Variants in SMC6 observed in about 807,000 individuals in gnomAD.
The protein encoded by SMC6 is structural maintenance of chromosomes 6.
A neutral mutation model predicts 142.2 loss-of-function variants in SMC6; 79 were observed. That is an observed-to-expected ratio of 0.56 (90% CI 0.46 to 0.67). The LOEUF (loss-of-function observed/expected upper bound fraction) is 0.67. SMC6 is among the 30% of genes least tolerant of loss of function. SMC6 has a pLI of 0.00. For synonymous variants in SMC6, 411 were observed against 412.4 expected (o/e 1.00, Z 0.04); for missense variants, 1,072 against 1,284.0 (o/e 0.83, Z 2.52).
chr2:17,712,702 A>C (rs1668887825), intron 16 of SMC6, among the ~76,000 whole-genome samples: 1 of 152,216 alleles, frequency 6.6e-6, no homozygotes, highest in South Asian at 2.1e-4. Context: ...TATTTTCCAC[A>C]TTAAAATAAT....
chr2:17,684,123 G>T (rs1400382855), intron 23 of SMC6, among the ~76,000 whole-genome samples: 1 of 152,136 alleles, frequency 6.6e-6, no homozygotes, highest in Admixed American at 6.6e-5. Flanking sequence ...TTCCTTCAGT[G>T]ACAGATGCCA....
chr2:17,730,653 A>T (rs1166173950), intron 7 of SMC6, among the ~76,000 whole-genome samples: 1 of 147,330 alleles, frequency 6.8e-6, no homozygotes, highest in Non-Finnish European at 1.5e-5. Context: ...CCCAGGCTGG[A>T]GTGCAGTGGC....
At chr2:17,729,253 AC>A (rs1445099257) in intron 7 of SMC6, among the ~76,000 whole-genome samples, 2 of 152,212 alleles carry the variant, frequency 1.3e-5, no homozygotes, top group Non-Finnish European at 2.9e-5. Flanking sequence ...AATTTGAGCT[AC>A]CCACTCTTCA....
At chr2:17,697,295 T>C (rs1668050606) in intron 21 of SMC6, among the ~76,000 whole-genome samples, 2 of 151,870 alleles carry the variant, frequency 1.3e-5, no homozygotes, top group South Asian at 4.1e-4. Flanking sequence ...ACTGTATTTA[T>C]ACAAAAACAG....
At chr2:17,748,177 A>G (rs990652404) in intron 2 of SMC6, among the ~76,000 whole-genome samples, 2 of 152,072 alleles carry the variant, frequency 1.3e-5, no homozygotes, top group Admixed American at 6.5e-5. Context: ...TGGTCCAAGG[A>G]CTGGCAAGCA....
Position 17,741,611 on chromosome 2 carries a change from C to A in SMC6, c.238+1G>T. 6.3e-7 allele frequency: 1 copy of A among 1,590,154 alleles called. No individual in the cohort carries two copies. The highest frequency in any genetic ancestry group is 2.2e-5 in the East Asian group (1 of 44,456). Reference sequence around the variant, plus strand: ...CAAACGAGAAGGGAAAAAACACTTACTTCCATTGTTGCCAACAACAAAGTT... The same window carrying A: ...CAAACGAGAAGGGAAAAAACACTTAATTCCATTGTTGCCAACAACAAAGTT... On this transcript the variant is annotated splice_donor_variant, in intron 4 of 27. Coordinates refer to ENST00000448223, the MANE Select transcript of SMC6 (RefSeq NM_001142286.2). LOFTEE classifies it high-confidence loss of function.
intron 2 of SMC6, chr2:17,746,254 G>A (rs754747203): frequency 1.0e-4 from 23 of 221,988 alleles, no homozygotes; most frequent in Middle Eastern, 1.5e-3. Context: ...AGAAGCGTAA[G>A]ATAGTAAGTT....
At chr2:17,666,554 G>A in intron 26 of SMC6, 37 bp from the exon 27 acceptor site, 1 of 1,471,648 alleles carries the variant, frequency 6.8e-7, no homozygotes, top group South Asian at 1.1e-5. Flanking sequence ...TTGCTATTGT[G>A]TAAGTCACAT....
At chr2:17,672,811 G>C (rs890296730) in intron 25 of SMC6, among the ~76,000 whole-genome samples, 45 of 152,270 alleles carry the variant, frequency 3.0e-4, no homozygotes, top group African/African-American at 1.1e-3. Context: ...GTCGCTGTTT[G>C]AATATACCCG....
At chr2:17,702,664 T>C (rs1668322891) in intron 19 of SMC6, among the ~76,000 whole-genome samples, 1 of 152,184 alleles carries the variant, frequency 6.6e-6, no homozygotes, top group Non-Finnish European at 1.5e-5. Flanking sequence ...AGGGACCTGA[T>C]GGGAGATAAT....
intron 7 of SMC6, among the ~76,000 whole-genome samples, chr2:17,727,733 A>G (rs1669700618): frequency 6.6e-6 from 1 of 152,222 alleles, no homozygotes; most frequent in Admixed American, 6.5e-5. Context: ...GTTATTGTAT[A>G]AATGAAAAAC....
chr2:17,712,053 TAA>T, intron 16 of SMC6, among the ~76,000 whole-genome samples: 1 of 152,272 alleles, frequency 6.6e-6, no homozygotes, highest in African/African-American at 2.4e-5. Flanking sequence ...GAGAAACACC[TAA>T]AGAGTATGAG....
At chr2:17,687,921 C>T (rs1667531170) in intron 23 of SMC6, among the ~76,000 whole-genome samples, 2 of 151,970 alleles carry the variant, frequency 1.3e-5, no homozygotes, top group African/African-American at 4.8e-5. Flanking sequence ...TAATTGCAAA[C>T]ACATCTTGAA....
chr2:17,691,044 C>T (rs563420909), intron 23 of SMC6, among the ~76,000 whole-genome samples: 6 of 150,760 alleles, frequency 4.0e-5, no homozygotes, highest in Non-Finnish European at 7.4e-5. Flanking sequence ...TAGATTAAAA[C>T]GCAGCTATCC....
At chr2:17,726,559 G>T in intron 7 of SMC6, 90 bp from the exon 8 acceptor site, 1 of 1,021,380 alleles carries the variant, frequency 9.8e-7, no homozygotes, top group Non-Finnish European at 1.4e-6. Flanking sequence ...AGTGACCTAT[G>T]GTGCCATCAG....
intron 16 of SMC6, among the ~76,000 whole-genome samples, chr2:17,709,715 GAATA>G (rs546984583): frequency 1.4e-4 from 22 of 151,912 alleles, no homozygotes; most frequent in Non-Finnish European, 3.2e-4. Flanking sequence ...GGAAGACAGA[GAATA>G]AAGAAAAAGA....
Position 17,678,896 on chromosome 2 carries a change from AT to A in SMC6, c.2872del (p.Met958Ter). On this transcript the variant is annotated frameshift_variant, in exon 25 of 28. Transcript: ENST00000448223. LOFTEE classifies it high-confidence loss of function. Reference protein sequence around the residue: ...LLSQRAYCGKMNFDHKNETLS... With the variant: ...LLSQRAYCGKXNFDHKNETLS... ...AGTTTCATTCTTGTGGTCAAAATTC[AT>A]TTTTCCACAATAGGCCCGCTGAGAT... The A allele has an allele frequency of 6.2e-7, 1 of 1,612,456 alleles. No homozygotes were observed. The highest frequency in any genetic ancestry group is 1.1e-5 in the South Asian group (1 of 90,802).
At chr2:17,752,024 A>T (rs1671064699) in intron 2 of SMC6, among the ~76,000 whole-genome samples, 1 of 152,198 alleles carries the variant, frequency 6.6e-6, no homozygotes, top group African/African-American at 2.4e-5. Context: ...ACTTTTTGCC[A>T]GGCTCAATAC....
rs1327767743 is a variant in SMC6, at chr2:17,678,875, T to G, written c.2894A>C (p.Glu965Ala). The change falls in exon 25 of 28, where the codon GAA (glutamate) becomes GCA (alanine). Residue 965 changes from glutamate (E) to alanine (A), a missense_variant. Physicochemically the swap from Glu to Ala is moderately radical, Grantham distance 107. Coordinates refer to ENST00000448223, the MANE Select transcript of SMC6 (RefSeq NM_001142286.2). Reference sequence around the variant, plus strand: ...GATACTTACTGATATACTTAGAGTTTCATTCTTGTGGTCAAAATTCATTTT... The same window carrying G: ...GATACTTACTGATATACTTAGAGTTGCATTCTTGTGGTCAAAATTCATTTT... Reference protein sequence around the residue: ...CGKMNFDHKNETLSISVQPGE... With the variant: ...CGKMNFDHKNATLSISVQPGE... 1.2e-6 allele frequency: 2 copies of G among 1,607,134 alleles called. No homozygotes were observed. Among genetic ancestry groups the G allele is most frequent in the Non-Finnish European group, 8.5e-7 (1 of 1,174,734 alleles).
Sources: gnomAD v4.1 joint callset for allele counts (sites outside exome capture counted in the v4.1 genomes callset) on GRCh38, gnomAD v4.1.1 for gene constraint, MANE v1.5 for transcripts, NCBI Gene and HGNC (gene_info 2026-07-23, HGNC 2026-07-21) for gene names.